Variants in RABEP2 observed in about 807,000 individuals in gnomAD.
The protein encoded by RABEP2 is rabaptin, RAB GTPase binding effector protein 2.
Under a neutral mutation model 74.1 loss-of-function variants are expected in RABEP2, and 57 were observed. The ratio of observed to expected loss-of-function variants is 0.77; its 90% confidence interval spans 0.62 to 0.96. The LOEUF is 0.96. Among genes scored for constraint, RABEP2 ranks in the 40% least tolerant of loss-of-function variants. RABEP2 has a pLI of 0.00. For synonymous variants in RABEP2, 351 were observed against 344.0 expected, an observed-to-expected ratio of 1.02 and a Z score of -0.23; for missense variants, 692 against 756.3, an observed-to-expected ratio of 0.91 and a Z score of 1.00.
At chr16:28,911,422 A>C (rs9708958) in intron 5 of RABEP2, among the ~76,000 whole-genome samples, 1 of 152,028 alleles carries the variant, frequency 6.6e-6, no homozygotes, top group Non-Finnish European at 1.5e-5. Flanking sequence ...AGCACTTTGG[A>C]AGGCCGAGGC....
rs1173607544 is a variant in RABEP2 at position 28,919,877 on chromosome 16, T to C, written c.341A>G (p.Asp114Gly). 1.9e-6 allele frequency: 3 copies of C among 1,599,578 alleles called. No individual in the cohort carries two copies. In the South Asian group the frequency reaches 3.3e-5, roughly 18 times the overall value. The change falls in exon 3 of 13, where the codon GAC (aspartate) becomes GGC (glycine). Residue 114 changes from aspartate (D) to glycine (G), a missense_variant. Asp to Gly is a moderately conservative substitution (Grantham distance 94, BLOSUM62 -1). Coordinates refer to ENST00000358201, the MANE Select transcript of RABEP2 (RefSeq NM_024816.3). ...LKQERQQQQQ[D>G]CEEKERELGR... ...CAGCTCCCGCTCCTTCTCCTCACAG[T>C]CCTGCTGCTGCTGCTGTCGCTCCTG...
intron 3 of RABEP2, 190 bp downstream of exon 3, chr16:28,919,596 C>A (rs1964441403): frequency 2.1e-6 from 1 of 481,182 alleles, no homozygotes. Context: ...AACTTGGTCA[C>A]CCACTAATAA....
rs1366376907 is a variant in RABEP2 at position 28,914,661 on chromosome 16, C to T, written c.543+11G>A. 1.2e-6 allele frequency: 2 copies of T among 1,613,696 alleles called. No individual in the cohort carries two copies. Among genetic ancestry groups the T allele is most frequent in the Non-Finnish European group, 1.7e-6 (2 of 1,179,788 alleles). Reference sequence around the variant, plus strand: ...CCCTCCTTCCCCAGCGCCCCCTGGCCGTGCCCTCACCTGGATCTCCTGAAT... The same window carrying T: ...CCCTCCTTCCCCAGCGCCCCCTGGCTGTGCCCTCACCTGGATCTCCTGAAT... On this transcript the variant is annotated intron_variant, in intron 4 of 12. Transcript: ENST00000358201.
Position 28,914,793 on chromosome 16 carries a change from C to T in RABEP2, c.433-11G>A, listed in dbSNP as rs756636832. On this transcript the variant is annotated splice_polypyrimidine_tract_variant and intron_variant, in intron 3 of 12. Coordinates refer to ENST00000358201, the MANE Select transcript of RABEP2 (RefSeq NM_024816.3). ...CGAGTCCTCGTGGGCCTGGAGGGAGCGGGGTGTGGCAGCAATAGTTCCCCC... is the reference window on the plus strand; with the variant it reads ...CGAGTCCTCGTGGGCCTGGAGGGAGTGGGGTGTGGCAGCAATAGTTCCCCC... 8.1e-6 allele frequency: 13 copies of T among 1,611,506 alleles called. No individual in the cohort carries two copies. Among genetic ancestry groups the T allele is most frequent in the Middle Eastern group, 1.6e-4 (1 of 6,078 alleles).
chr16:28,907,162 G>GT (rs58982936), intron 8 of RABEP2, among the ~76,000 whole-genome samples: 84,765 of 127,876 alleles, frequency 0.66, 28,625 homozygotes, highest in Middle Eastern at 0.8. Context: ...TTTTGCCTTT[G>GT]TTTTTTTTTT....
intron 7 of RABEP2, among the ~76,000 whole-genome samples, chr16:28,909,694 G>A (rs1964284376): frequency 6.7e-6 from 1 of 149,728 alleles, no homozygotes; most frequent in South Asian, 2.1e-4. Context: ...AGCCTGGCCA[G>A]CCTGAGCGAC....
At chr16:28,923,748 G>C (rs1964497689) in intron 2 of RABEP2, among the ~76,000 whole-genome samples, 1 of 152,178 alleles carries the variant, frequency 6.6e-6, no homozygotes. Context: ...CCACACTATA[G>C]AGGAAGATCT....
At chr16:28,919,005 C>T (rs1964432356) in intron 3 of RABEP2, among the ~76,000 whole-genome samples, 1 of 152,058 alleles carries the variant, frequency 6.6e-6, no homozygotes, top group African/African-American at 2.4e-5. Context: ...ATCTCAACTC[C>T]ACTCCCTTCT....
At chr16:28,920,362 GGTT>G (rs1964454476) in intron 2 of RABEP2, among the ~76,000 whole-genome samples, 3 of 139,418 alleles carry the variant, frequency 2.2e-5, no homozygotes, top group Non-Finnish European at 4.6e-5. Context: ...AATTTTTTTT[GGTT>G]ATTATTATTA....
At chr16:28,907,162 G>GTTTT (rs58982936) in intron 8 of RABEP2, among the ~76,000 whole-genome samples, 4 of 127,952 alleles carry the variant, frequency 3.1e-5, no homozygotes, top group East Asian at 4.6e-4. Context: ...TTTTGCCTTT[G>GTTTT]TTTTTTTTTT....
intron 7 of RABEP2, among the ~76,000 whole-genome samples, chr16:28,909,134 T>C (rs1242840594): frequency 2.0e-5 from 3 of 152,156 alleles, no homozygotes; most frequent in South Asian, 4.1e-4. Context: ...TGGAGTGCAA[T>C]AGAGTGATCT....
intron 2 of RABEP2, among the ~76,000 whole-genome samples, chr16:28,922,388 T>C (rs1338960734): frequency 6.6e-5 from 10 of 151,438 alleles, no homozygotes; most frequent in Non-Finnish European, 1.3e-4. Context: ...AGATCGAGAC[T>C]ATCCTGGCTA....
intron 9 of RABEP2, 25 bp from the exon 10 acceptor site, chr16:28,905,903 T>A: frequency 6.2e-7 from 1 of 1,613,000 alleles, no homozygotes; most frequent in Non-Finnish European, 8.5e-7. Flanking sequence ...GAAAGAGAGG[T>A]CAAGGCCAGC....
intron 8 of RABEP2, among the ~76,000 whole-genome samples, chr16:28,908,048 C>G (rs1285123520): frequency 6.6e-6 from 1 of 152,176 alleles, no homozygotes; most frequent in Non-Finnish European, 1.5e-5. Context: ...GATCCACCCA[C>G]CTTGGCCTCC....
intron 2 of RABEP2, 131 bp from the exon 3 acceptor site, chr16:28,920,074 C>G: frequency 8.8e-7 from 1 of 1,130,350 alleles, no homozygotes; most frequent in Non-Finnish European, 1.2e-6. Context: ...CCATGGCAGG[C>G]TTTGCAGAAA....
At chr16:28,924,255 G>A (rs1964504441) in intron 2 of RABEP2, 148 bp downstream of exon 2, 2 of 710,808 alleles carry the variant, frequency 2.8e-6, no homozygotes, top group African/African-American at 1.8e-5. Context: ...TTTTAAAAGG[G>A]CGGCCCTTCC....
At position 28,911,188 on chromosome 16, in the gene RABEP2, G is replaced by T; in HGVS notation, c.895-9C>A. 6.2e-7 allele frequency: 1 copy of T among 1,607,078 alleles called. No homozygotes were observed. On this transcript the variant is annotated splice_polypyrimidine_tract_variant and intron_variant, in intron 5 of 12. Transcript: ENST00000358201. ...TTCTGCAGCTGTCGGCCCTGCCACA[G>T]ACCCTGCCTTCAGCCTGCATCTCCC...
Position 28,924,477 on chromosome 16 carries a change from G to C in RABEP2, c.200C>G (p.Thr67Arg). 5 of 1,613,928 alleles carry C rather than the reference G, an allele frequency of 3.1e-6. No homozygotes were observed. Among genetic ancestry groups the C allele is most frequent in the Non-Finnish European group, 4.2e-6 (5 of 1,180,002 alleles). The change falls in exon 2 of 13, where the codon ACG becomes AGG. Residue 67 changes from threonine to arginine, a missense_variant. Transcript: ENST00000358201. ...MKAVAEVSES[T>R]KAEAVAAVQR... ...CACCGCAGCCACAGCCTCGGCCTTCGTGCTCTCGCTCACCTCTGCCACAGC... is the reference window on the plus strand; with the variant it reads ...CACCGCAGCCACAGCCTCGGCCTTCCTGCTCTCGCTCACCTCTGCCACAGC...
intron 2 of RABEP2, among the ~76,000 whole-genome samples, chr16:28,921,863 GC>G (rs1773363598): frequency 6.6e-6 from 1 of 151,966 alleles, no homozygotes; most frequent in African/African-American, 2.4e-5. Flanking sequence ...TACTTGGGAG[GC>G]TGAGGCAGGA....
Sources: allele counts gnomAD v4.1 joint callset (sites outside exome capture counted in the v4.1 genomes callset), GRCh38; gene constraint gnomAD v4.1.1; transcripts MANE v1.5; gene names NCBI Gene and HGNC (gene_info 2026-07-23, HGNC 2026-07-21).